The following NDUFA6 variants were observed in gnomAD, a reference collection of about 807,000 sequenced individuals.
NDUFA6 encodes the protein NADH:ubiquinone oxidoreductase subunit A6.
NDUFA6 carries 10 observed loss-of-function variants against 12.5 expected under a neutral mutation model. The observed-to-expected ratio is 0.80, with a 90% CI of 0.49 to 1.35. NDUFA6 has a LOEUF of 1.35. NDUFA6 is among the 40% of genes most tolerant of loss of function. The pLI is 0.00. For synonymous variants in NDUFA6, 66 were observed against 63.0 expected (o/e 1.05, Z -0.23); for missense variants, 177 against 173.5 (o/e 1.02, Z -0.11).
Position 42,090,656 on chromosome 22 carries a change from C to T in NDUFA6, c.89G>A (p.Arg30Gln), listed in dbSNP as rs749641276. The T allele has an allele frequency of 6.2e-7, 1 of 1,614,170 alleles. No individual in the cohort carries two copies. The highest frequency in any genetic ancestry group is 1.1e-5 in the South Asian group (1 of 91,090). Residue 30 changes from arginine to glutamine, a missense_variant, in exon 1 of 3, where the codon CGG (arginine) becomes CAG (glutamine). Physicochemically the swap from Arg to Gln is conservative, Grantham distance 43. Around this residue, in one of 3 missense-constraint regions of NDUFA6, gnomAD observed 111 missense variants for 87.2 expected, o/e 1.27. Coordinates refer to ENST00000498737, the MANE Select transcript of NDUFA6 (RefSeq NM_002490.6). ...IFSRDMNEAK[R>Q]RVRELYRAWY... ...GGCGCGGTAGAGCTCGCGCACCCTCCGCTTGGCCTCGTTCATGTCCCGACT... is the reference window on the plus strand; with the variant it reads ...GGCGCGGTAGAGCTCGCGCACCCTCTGCTTGGCCTCGTTCATGTCCCGACT...
intron 1 of NDUFA6, chr22:42,089,691 TTTAAC>T (rs1928503742): frequency 1.3e-5 from 2 of 152,134 alleles, no homozygotes; most frequent in African/African-American, 4.8e-5. Context: ...CTCTAGATAT[TTTAAC>T]TTAATACAGT....
At position 42,088,458 on chromosome 22, in the gene NDUFA6, G is replaced by A. The variant is rs540098721; in HGVS notation, c.140-1283C>T. On this transcript the variant is annotated intron_variant, in intron 1 of 2. Transcript: ENST00000498737. Reference sequence around the variant, plus strand: ...TTATTAGCTGGGCGCGGTGGCTCACGCCTGTAATCCCAGCACTTTGGGAGG... The same window carrying A: ...TTATTAGCTGGGCGCGGTGGCTCACACCTGTAATCCCAGCACTTTGGGAGG... Among the ~76,000 whole-genome samples, 8 of 151,896 alleles carry A rather than the reference G, an allele frequency of 5.3e-5. No individual in the cohort carries two copies. In the South Asian group the frequency reaches 1.2e-3, roughly 24 times the overall value.
In NDUFA6 at chr22:42,085,822, T is replaced by G. The variant is rs114906790; in HGVS notation, c.*361A>C. ...CCTGACAGGAAGAGCTGGCTAATTT[T>G]AGATAATCTGTGCCCTGACACTGAA... On this transcript the variant is annotated 3_prime_UTR_variant, in exon 3 of 3. Coordinates refer to ENST00000498737, the MANE Select transcript of NDUFA6 (RefSeq NM_002490.6). 5.5e-6 allele frequency: 2 copies of G among 363,172 alleles called. No individual in the cohort carries two copies. Among genetic ancestry groups the G allele is most frequent in the Admixed American group, 8.4e-5 (2 of 23,946 alleles). 22.5% of individuals were successfully genotyped at this position (363,172 alleles called of 1,614,324 possible). A position where few individuals can be genotyped will look rare whatever the true frequency, so the allele number is the denominator to read the frequency against.
chr22:42,086,669 TG>T (rs1928267823), intron 2 of NDUFA6, among the ~76,000 whole-genome samples: 1 of 152,214 alleles, frequency 6.6e-6, no homozygotes. Context: ...GATGCTAACG[TG>T]ACTGGCCAGG....
intron 2 of NDUFA6, among the ~76,000 whole-genome samples, 162 bp downstream of exon 2, chr22:42,086,898 A>G (rs1928282856): frequency 6.6e-6 from 1 of 152,226 alleles, no homozygotes; most frequent in Non-Finnish European, 1.5e-5. Context: ...ATTTAACCAG[A>G]TGATAACCTC....
intron 1 of NDUFA6, 137 bp downstream of exon 1, chr22:42,090,469 C>A: frequency 1.9e-6 from 2 of 1,079,434 alleles, no homozygotes; most frequent in South Asian, 2.5e-5. Flanking sequence ...GCTCGGGTGA[C>A]CCTCTTCCCC....
chr22:42,088,613 G>A (rs151159847), intron 1 of NDUFA6, among the ~76,000 whole-genome samples: 59 of 151,550 alleles, frequency 3.9e-4, no homozygotes, highest in African/African-American at 1.4e-3. Flanking sequence ...CAGCTACTCG[G>A]GAGGCTGAGG....
At position 42,087,142 on chromosome 22, in the gene NDUFA6, A is replaced by G. The variant is rs755702023; in HGVS notation, c.173T>C (p.Met58Thr). The change falls in exon 2 of 3, where the codon ATG becomes ACG. Residue 58 changes from methionine (M) to threonine (T), a missense_variant. Transcript: ENST00000498737. ...HQFQLDITVK[M>T]GRDKVREMFM... Reference sequence around the variant, plus strand: ...CATTTCTCGGACTTTATCCCGTCCCATTTTCACAGTGATGTCCAGCTGGAA... The same window carrying G: ...CATTTCTCGGACTTTATCCCGTCCCGTTTTCACAGTGATGTCCAGCTGGAA... The G allele has an allele frequency of 1.2e-6, 2 of 1,614,138 alleles. No individual in the cohort carries two copies. Among genetic ancestry groups the G allele is most frequent in the East Asian group, 4.5e-5 (2 of 44,882 alleles).
chr22:42,089,255 G>A (rs770789411), intron 1 of NDUFA6, among the ~76,000 whole-genome samples: 3 of 151,254 alleles, frequency 2.0e-5, no homozygotes, highest in Non-Finnish European at 4.4e-5. Flanking sequence ...GAGGGTTCTG[G>A]GTACTCCTAG....
chr22:42,086,052 C>T lies in NDUFA6; in HGVS notation c.*131G>A. The T allele has an allele frequency of 8.2e-7, 1 of 1,223,896 alleles. No homozygotes were observed. Among genetic ancestry groups the T allele is most frequent in the Non-Finnish European group, 1.2e-6 (1 of 832,332 alleles). The allele number at this position is 1,223,896 out of a possible 1,614,324, so 75.8% of individuals were successfully genotyped here. On this transcript the variant is annotated 3_prime_UTR_variant, in exon 3 of 3. Transcript: ENST00000498737. ...ACAGGTGATGTGTATACCAAGGTCC[C>T]ACTTGCTCAGGCAAAAAGAGGCTGC... is the stretch of plus-strand genomic sequence containing the variant.
intron 1 of NDUFA6, among the ~76,000 whole-genome samples, chr22:42,088,901 C>T (rs1426154634): frequency 6.6e-6 from 1 of 151,968 alleles, no homozygotes; most frequent in African/African-American, 2.4e-5. Flanking sequence ...CCATAAAACC[C>T]GTGTGGCACA....
rs201010479 is a variant in NDUFA6, at chr22:42,090,607, A to G, written c.138T>C (p.Thr46=). 18 of 1,613,662 alleles carry G rather than the reference A, an allele frequency of 1.1e-5. No homozygotes were observed. In the East Asian group the frequency reaches 2.9e-4, roughly 26 times the overall value. The change falls in exon 1 of 3, where the codon ACT becomes ACC. Residue 46 remains threonine (T), a splice_region_variant and synonymous_variant. Coordinates refer to ENST00000498737, the MANE Select transcript of NDUFA6 (RefSeq NM_002490.6). ...CCCACGTAAGCCGCTACCTCTCACC[A>G]GTGTTCGGCACCTCCCGATACCAGG... ...YRAWYREVPN[T]VHQFQLDITV...
intron 1 of NDUFA6, chr22:42,089,841 A>C (rs900139876): frequency 6.6e-6 from 1 of 152,402 alleles, no homozygotes; most frequent in Non-Finnish European, 1.5e-5. Context: ...TAACCACCAC[A>C]TTCTACCGCC....
At chr22:42,087,813 T>C (rs1928358141) in intron 1 of NDUFA6, among the ~76,000 whole-genome samples, 1 of 117,626 alleles carries the variant, frequency 8.5e-6, no homozygotes, top group Non-Finnish European at 1.8e-5. Context: ...AAAAAAATAA[T>C]AATTATTTTA....
rs1180347816 is a variant in NDUFA6 at position 42,090,735 on chromosome 22, TC to T, written c.9del (p.Ser4AlafsTer14). On this transcript the variant is annotated frameshift_variant, in exon 1 of 3. Coordinates refer to ENST00000498737, the MANE Select transcript of NDUFA6 (RefSeq NM_002490.6). LOFTEE classifies it high-confidence loss of function. ...GTAGAAGTAGCTTGGCGGACGCCGC[TC>T]CCCGCCATCTTGCCAAAGCATCCAC... MAGSGVRQATSTA... is the reference protein window; with the variant it reads MAXSGVRQATSTA... 3.3e-5 allele frequency: 53 copies of T among 1,613,868 alleles called. No homozygotes were observed. Among genetic ancestry groups the T allele is most frequent in the Non-Finnish European group, 4.5e-5 (53 of 1,180,026 alleles).
At chr22:42,088,721 C>CAA (rs59094967) in intron 1 of NDUFA6, among the ~76,000 whole-genome samples, 3,348 of 71,430 alleles carry the variant, frequency 0.047, 236 homozygotes, top group African/African-American at 0.15. Flanking sequence ...GACTCTGTCT[C>CAA]AAAAAAAAAA....
Position 42,088,106 on chromosome 22 carries a change from C to CAAA in NDUFA6, c.140-934_140-932dup, listed in dbSNP as rs1182424559. On this transcript the variant is annotated intron_variant, in intron 1 of 2. Transcript: ENST00000498737. ...TGGGTGACAGAGTGAGACTGTGTCT[C>CAAA]AAAAAAAAAAAAAAAAAAAGGCTGG... 2.6e-3 allele frequency among the ~76,000 whole-genome samples: 103 copies of CAAA among 39,640 alleles called. 2 individuals are homozygous for CAAA. The highest frequency in any genetic ancestry group is 0.024 in the East Asian group (30 of 1,232). The allele number at this position is 39,640 out of a possible 152,430, so 26.0% of individuals were successfully genotyped here.
chr22:42,088,689 C>T (rs994719175), intron 1 of NDUFA6, among the ~76,000 whole-genome samples: 2 of 146,022 alleles, frequency 1.4e-5, no homozygotes, highest in Admixed American at 6.8e-5. Context: ...CCATTGCCCT[C>T]CAGCCTGGGA....
At position 42,086,017 on chromosome 22, in the gene NDUFA6, A is replaced by G. The variant is rs1005340813; in HGVS notation, c.*166T>C. 16 of 831,142 alleles carry G rather than the reference A, an allele frequency of 1.9e-5. No homozygotes were observed. The Admixed American group carries it at 3.0e-4, about 16-fold the overall frequency. The allele number at this position is 831,142 out of a possible 1,614,324, so 51.5% of individuals were successfully genotyped here. On this transcript the variant is annotated 3_prime_UTR_variant, in exon 3 of 3. Transcript: ENST00000498737. ...TACAGCAAACACCACATTTCAAGAA[A>G]AGGGAAAGAACAGGTGATGTGTATA... is the stretch of plus-strand genomic sequence containing the variant.
Sources: allele counts gnomAD v4.1 joint callset (sites outside exome capture counted in the v4.1 genomes callset), GRCh38; gene constraint gnomAD v4.1.1; regional missense constraint gnomAD v4.1.1; transcripts MANE v1.5; gene names NCBI Gene and HGNC (gene_info 2026-07-23, HGNC 2026-07-21).